Variants in REV1 observed in about 807,000 individuals in gnomAD.
REV1 encodes translesion synthesis protein REV1.
REV1 carries 42 observed loss-of-function variants against 137.4 expected under a neutral mutation model. That is an observed-to-expected ratio of 0.31 (90% CI 0.24 to 0.40). The LOEUF (loss-of-function observed/expected upper bound fraction) is 0.40. Ranked by LOEUF, REV1 falls within the 10% of genes least tolerant of loss-of-function variation. REV1 has a pLI of 1.00. For missense variants in REV1, 1,282 were observed against 1,490.1 expected (o/e 0.86, Z 2.30); for synonymous variants, 524 against 519.2 (o/e 1.01, Z -0.12).
chr2:99,475,343 T>C (rs1685853744), intron 1 of REV1, among the ~76,000 whole-genome samples: 2 of 152,280 alleles, frequency 1.3e-5, no homozygotes, highest in South Asian at 4.1e-4. Context: ...ACTTGTGGAA[T>C]GCTGAGAAGG....
Position 99,412,956 on chromosome 2 carries a change from G to A in REV1, c.1952-5C>T. 1 of 1,600,914 alleles carries A rather than the reference G, an allele frequency of 6.2e-7. No homozygotes were observed. Among genetic ancestry groups the A allele is most frequent in the Non-Finnish European group, 8.6e-7 (1 of 1,168,110 alleles). Reference sequence around the variant, plus strand: ...ATTCCATTGAATGTCCAACTCCTAGGAAAGGGAATATAGTTAAGTATGCAG... The same window carrying A: ...ATTCCATTGAATGTCCAACTCCTAGAAAAGGGAATATAGTTAAGTATGCAG... On this transcript the variant is annotated splice_polypyrimidine_tract_variant and splice_region_variant and intron_variant, in intron 12 of 22. Coordinates refer to ENST00000258428, the MANE Select transcript of REV1 (RefSeq NM_016316.4).
intron 5 of REV1, among the ~76,000 whole-genome samples, chr2:99,441,081 TCTA>T (rs1275554781): frequency 6.6e-6 from 1 of 152,212 alleles, no homozygotes; most frequent in Non-Finnish European, 1.5e-5. Flanking sequence ...ATATCTATTT[TCTA>T]CTTTTATTAA....
In REV1 at chr2:99,424,484, A is replaced by G. The variant is rs1283667234; in HGVS notation, c.1548-204T>C. The G allele has an allele frequency of 5.3e-5, 31 of 580,162 alleles. 1 individual carries two copies. The East Asian group carries it at 6.4e-4, about 12-fold the overall frequency. 35.9% of individuals were successfully genotyped at this position (580,162 alleles called of 1,614,324 possible). A position where few individuals can be genotyped will look rare whatever the true frequency, so the allele number is the denominator to read the frequency against. ...ACTGTCTGAATAGTGTAAATGACACATGTAGATGTGCCAACTATGTCATTA... is the reference window on the plus strand; with the variant it reads ...ACTGTCTGAATAGTGTAAATGACACGTGTAGATGTGCCAACTATGTCATTA... On this transcript the variant is annotated intron_variant, in intron 9 of 22. Coordinates refer to ENST00000258428, the MANE Select transcript of REV1 (RefSeq NM_016316.4).
intron 9 of REV1, among the ~76,000 whole-genome samples, chr2:99,426,293 G>A (rs1259891952): frequency 6.6e-6 from 1 of 150,986 alleles, no homozygotes; most frequent in African/African-American, 2.4e-5. Context: ...GTTGCAGCGA[G>A]CCAAGATCGT....
chr2:99,431,046 G>T (rs925102655), intron 8 of REV1, among the ~76,000 whole-genome samples: 2 of 152,140 alleles, frequency 1.3e-5, no homozygotes, highest in Admixed American at 6.5e-5. Context: ...CAGACTCACT[G>T]TTCTGTGAAG....
chr2:99,488,789 G>T (rs949655308), intron 1 of REV1, among the ~76,000 whole-genome samples: 1 of 152,178 alleles, frequency 6.6e-6, no homozygotes, highest in South Asian at 2.1e-4. Context: ...AACAGGAAAT[G>T]GCTTATTCTC....
At chr2:99,424,683 G>A in intron 9 of REV1, 3 of 1,149,734 alleles carry the variant, frequency 2.6e-6, no homozygotes, top group Non-Finnish European at 3.4e-6. Flanking sequence ...TTTGGCCAGG[G>A]TTCATCCCCC....
At chr2:99,414,465 A>C (rs1677588791) in intron 12 of REV1, among the ~76,000 whole-genome samples, 1 of 152,238 alleles carries the variant, frequency 6.6e-6, no homozygotes, top group Admixed American at 6.5e-5. Context: ...TTAAAAAAAA[A>C]AAAAAATTCC....
intron 3 of REV1, among the ~76,000 whole-genome samples, chr2:99,450,992 T>C (rs1040904135): frequency 2.0e-5 from 3 of 152,172 alleles, no homozygotes; most frequent in African/African-American, 7.2e-5. Flanking sequence ...TAAGGTTAAG[T>C]TAAAAACTGA....
Position 99,474,644 on chromosome 2 carries a change from G to C in REV1, c.-10-9659C>G, listed in dbSNP as rs151158758. On this transcript the variant is annotated intron_variant, in intron 1 of 22. Coordinates refer to ENST00000258428, the MANE Select transcript of REV1 (RefSeq NM_016316.4). ...AAGTCGGGAGCGATGGCTCACGCCT[G>C]TAATTCCAGCACTTTGGGAGGCTGA... is the stretch of plus-strand genomic sequence containing the variant. Among the ~76,000 whole-genome samples, 9 of 152,330 alleles carry C rather than the reference G, an allele frequency of 5.9e-5. No homozygotes were observed. In the East Asian group the frequency reaches 1.2e-3, roughly 20 times the overall value.
chr2:99,450,268 T>C (rs1682770174), intron 3 of REV1, among the ~76,000 whole-genome samples: 1 of 152,198 alleles, frequency 6.6e-6, no homozygotes, highest in Non-Finnish European at 1.5e-5. Context: ...AGACACAATG[T>C]GACTTATGCT....
intron 12 of REV1, among the ~76,000 whole-genome samples, chr2:99,417,557 C>A (rs905498079): frequency 2.0e-5 from 3 of 152,140 alleles, no homozygotes; most frequent in African/African-American, 7.2e-5. Context: ...GAGATCAGGA[C>A]GGAGACATGC....
At chr2:99,404,395 G>C (rs1264832920) in intron 18 of REV1, 49 bp downstream of exon 18, 3 of 1,484,636 alleles carry the variant, frequency 2.0e-6, no homozygotes, top group Non-Finnish European at 2.8e-6. Flanking sequence ...TTGGAGCAGG[G>C]GGGTGAGAAT....
At chr2:99,463,489 C>T (rs930194729) in intron 2 of REV1, among the ~76,000 whole-genome samples, 3 of 152,138 alleles carry the variant, frequency 2.0e-5, no homozygotes, top group African/African-American at 7.2e-5. Context: ...TATTGCACCC[C>T]AGCCTGGACA....
intron 9 of REV1, among the ~76,000 whole-genome samples, chr2:99,426,690 TCCAAAGTGTC>T (rs1679418622): frequency 6.6e-6 from 1 of 152,112 alleles, no homozygotes; most frequent in African/African-American, 2.4e-5. Context: ...TACAAAAAAG[TCCAAAGTGTC>T]TCAAAGTGTC....
intron 11 of REV1, among the ~76,000 whole-genome samples, chr2:99,420,816 T>C (rs887427098): frequency 1.3e-5 from 2 of 152,210 alleles, no homozygotes; most frequent in African/African-American, 4.8e-5. Flanking sequence ...GCCTGTGGTA[T>C]ACTGAGTATG....
rs1676258566 is a variant in REV1 at position 99,406,103 on chromosome 2, A to G, written c.2618T>C (p.Phe873Ser). 1.2e-6 allele frequency: 2 copies of G among 1,609,772 alleles called. No individual in the cohort carries two copies. Among genetic ancestry groups the G allele is most frequent in the Non-Finnish European group, 1.7e-6 (2 of 1,178,054 alleles). ...TATTTCCAGATCCACAGCAGCCCGA[A>G]ATACTACAAAAAGAAAATATATAAA... is the stretch of plus-strand genomic sequence containing the variant. ...KSTEEEHKEV[F>S]RAAVDLEISS... The change falls in exon 17 of 23, where the codon TTT becomes TCT. Residue 873 changes from phenylalanine (F) to serine (S), a missense_variant. Phe to Ser is a radical substitution (Grantham distance 155, BLOSUM62 -2). Coordinates refer to ENST00000258428, the MANE Select transcript of REV1 (RefSeq NM_016316.4).
chr2:99,405,737 T>G, intron 17 of REV1, 173 bp downstream of exon 17: 2 of 459,358 alleles, frequency 4.4e-6, no homozygotes, highest in Non-Finnish European at 7.4e-6. Context: ...TCAACCCAAA[T>G]ATTGCTTATT....
At chr2:99,490,194 G>C (rs1262747216), upstream of REV1, among the ~76,000 whole-genome samples, 2 of 150,694 alleles carry the variant, frequency 1.3e-5, no homozygotes, top group African/African-American at 2.4e-5. Context: ...CGGCCTCCGT[G>C]TTCCTCCCCT....
Sources: gnomAD v4.1 joint callset for allele counts (sites outside exome capture counted in the v4.1 genomes callset) on GRCh38, gnomAD v4.1.1 for gene constraint, MANE v1.5 for transcripts, NCBI Gene and HGNC (gene_info 2026-07-23, HGNC 2026-07-21) for gene names.